RSRC1: variants seen among roughly 807,000 people sequenced by gnomAD.
RSRC1 encodes the protein serine/Arginine-related protein 53.
Under a neutral mutation model 49.1 loss-of-function variants are expected in RSRC1, and 39 were observed. The observed-to-expected ratio is 0.79, with a 90% CI of 0.61 to 1.04. RSRC1 has a LOEUF of 1.04. Among genes scored for constraint, RSRC1 ranks in the 50% least tolerant of loss-of-function variants. The probability of loss-of-function intolerance (pLI) is 0.00; values close to 1 mark genes in which losing one functional copy is unlikely to be tolerated. For missense variants in RSRC1, 388 were observed against 402.4 expected, an observed-to-expected ratio of 0.96 and a Z score of 0.31; for synonymous variants, 143 against 130.8, an observed-to-expected ratio of 1.09 and a Z score of -0.63.
intron 7 of RSRC1, among the ~76,000 whole-genome samples, chr3:158,480,753 A>T (rs1738576844): frequency 6.6e-6 from 1 of 152,046 alleles, no homozygotes; most frequent in South Asian, 2.1e-4. Context: ...CATTTTTCTA[A>T]ACTCTCTTAG....
chr3:158,199,160 G>T (rs755057956), intron 3 of RSRC1, among the ~76,000 whole-genome samples: 12 of 152,092 alleles, frequency 7.9e-5, no homozygotes, highest in Non-Finnish European at 1.5e-4. Flanking sequence ...CTCTTTCTTT[G>T]CCTGCTGCTA....
At chr3:158,508,524 T>C (rs1373475331) in intron 7 of RSRC1, among the ~76,000 whole-genome samples, 2 of 152,034 alleles carry the variant, frequency 1.3e-5, no homozygotes, top group East Asian at 1.9e-4. Flanking sequence ...TAAATGCATA[T>C]GTAGTCGCCC....
intron 4 of RSRC1, among the ~76,000 whole-genome samples, chr3:158,209,082 G>A (rs1721513641): frequency 1.3e-5 from 2 of 152,106 alleles, no homozygotes; most frequent in African/African-American, 2.4e-5. Flanking sequence ...AATTTGGATG[G>A]GATTGATTTA....
At chr3:158,349,668 A>G (rs1006275484) in intron 5 of RSRC1, among the ~76,000 whole-genome samples, 2 of 149,326 alleles carry the variant, frequency 1.3e-5, no homozygotes, top group African/African-American at 5.0e-5. Flanking sequence ...CTTACACTAA[A>G]AGTTTACATT....
At chr3:158,286,849 G>A (rs1021732271) in intron 4 of RSRC1, among the ~76,000 whole-genome samples, 4 of 152,138 alleles carry the variant, frequency 2.6e-5, no homozygotes, top group Non-Finnish European at 5.9e-5. Flanking sequence ...TACACATGTT[G>A]CACTTTTCGC....
intron 4 of RSRC1, among the ~76,000 whole-genome samples, chr3:158,278,623 A>T (rs1725954698): frequency 6.6e-6 from 1 of 152,186 alleles, no homozygotes; most frequent in Admixed American, 6.5e-5. Context: ...GGACATGTTG[A>T]TGATATTCCC....
chr3:158,306,094 T>G (rs1305287581), intron 5 of RSRC1, among the ~76,000 whole-genome samples: 1 of 151,956 alleles, frequency 6.6e-6, no homozygotes, highest in African/African-American at 2.4e-5. Flanking sequence ...TTTTAAAAAC[T>G]TCGTTATATG....
intron 4 of RSRC1, among the ~76,000 whole-genome samples, chr3:158,241,539 T>A (rs1381020541): frequency 7.0e-6 from 1 of 142,234 alleles, no homozygotes; most frequent in East Asian, 1.9e-4. Flanking sequence ...GTGTAGACTA[T>A]TTTTTTTTTC....
intron 6 of RSRC1, among the ~76,000 whole-genome samples, chr3:158,382,181 C>G (rs865791337): frequency 4.6e-5 from 7 of 152,274 alleles, no homozygotes; most frequent in South Asian, 4.1e-4. Context: ...TGTCTCCCAT[C>G]TCCATATCTT....
At chr3:158,313,622 A>T (rs1469315709) in intron 5 of RSRC1, among the ~76,000 whole-genome samples, 2 of 152,126 alleles carry the variant, frequency 1.3e-5, no homozygotes, top group Admixed American at 6.5e-5. Flanking sequence ...ACGTATGAAA[A>T]TTTTTTCATA....
intron 3 of RSRC1, among the ~76,000 whole-genome samples, chr3:158,155,901 C>A (rs953451855): frequency 6.6e-6 from 1 of 152,072 alleles, no homozygotes; most frequent in African/African-American, 2.4e-5. Context: ...TCTTAAGAGC[C>A]CTAGGATTTT....
intron 3 of RSRC1, among the ~76,000 whole-genome samples, chr3:158,180,121 T>C (rs1214087138): frequency 6.6e-6 from 1 of 152,096 alleles, no homozygotes; most frequent in East Asian, 1.9e-4. Context: ...TTTTGAGAGT[T>C]CTTTACTTAA....
At chr3:158,393,060 GCTT>G (rs889185745) in intron 6 of RSRC1, among the ~76,000 whole-genome samples, 1 of 151,934 alleles carries the variant, frequency 6.6e-6, no homozygotes, top group Non-Finnish European at 1.5e-5. Context: ...TAAACAACCT[GCTT>G]CTTTTTGTAT....
chr3:158,438,275 A>G (rs932668920), intron 6 of RSRC1, among the ~76,000 whole-genome samples: 2 of 152,188 alleles, frequency 1.3e-5, no homozygotes, highest in Non-Finnish European at 2.9e-5. Context: ...TGCCATCCCC[A>G]TCAAGCTGCC....
chr3:158,200,491 T>C (rs1487094901), intron 3 of RSRC1, among the ~76,000 whole-genome samples: 5 of 152,256 alleles, frequency 3.3e-5, no homozygotes, highest in Non-Finnish European at 7.3e-5. Context: ...ATATCTAATG[T>C]ACTTATTGAT....
At chr3:158,516,879 C>G (rs151202560) in intron 7 of RSRC1, among the ~76,000 whole-genome samples, 418 of 152,340 alleles carry the variant, frequency 2.7e-3, no homozygotes, top group African/African-American at 9.8e-3. Flanking sequence ...TCTGTCACCC[C>G]TTTCTTTGAC....
At chr3:158,183,418 T>C (rs758816060) in intron 3 of RSRC1, among the ~76,000 whole-genome samples, 68 of 152,126 alleles carry the variant, frequency 4.5e-4, no homozygotes, top group Non-Finnish European at 9.0e-4. Context: ...CTTTGTATTG[T>C]TTGTGTAGAT....
chr3:158,255,797 T>C (rs1724513373), intron 4 of RSRC1, among the ~76,000 whole-genome samples: 1 of 152,182 alleles, frequency 6.6e-6, no homozygotes, highest in South Asian at 2.1e-4. Context: ...GATTCCTAGG[T>C]ATTTTACTCT....
intron 4 of RSRC1, among the ~76,000 whole-genome samples, chr3:158,268,081 A>G (rs1451584100): frequency 6.6e-6 from 1 of 151,974 alleles, no homozygotes; most frequent in Non-Finnish European, 1.5e-5. Flanking sequence ...TTCTGTTTCT[A>G]TGTAATTTTA....
Sources: gnomAD v4.1 joint callset for allele counts (sites outside exome capture counted in the v4.1 genomes callset) on GRCh38, gnomAD v4.1.1 for gene constraint, MANE v1.5 for transcripts, NCBI Gene and HGNC (gene_info 2026-07-23, HGNC 2026-07-21) for gene names.